The following MACROH2A1 variants were observed in gnomAD, a reference collection of about 807,000 sequenced individuals.
The protein encoded by MACROH2A1 is macroH2A.1 histone, also known as core histone macro-H2A.1.
MACROH2A1 carries 2 observed loss-of-function variants against 31.6 expected under a neutral mutation model. The observed-to-expected ratio is 0.06, with a 90% CI of 0.03 to 0.20. The LOEUF (loss-of-function observed/expected upper bound fraction) is 0.20. Ranked by LOEUF, MACROH2A1 falls within the 10% of genes least tolerant of loss-of-function variation. The pLI is 1.00. For missense variants in MACROH2A1, 230 were observed against 474.0 expected (o/e 0.49, Z 4.78); for synonymous variants, 169 against 189.6 (o/e 0.89, Z 0.89).
chr5:135,347,558 C>T (rs1761008678), intron 6 of MACROH2A1: 1 of 152,282 alleles, frequency 6.6e-6, no homozygotes, highest in Admixed American at 6.5e-5. Flanking sequence ...AATGTCACAC[C>T]TGTTGCTGCT....
At chr5:135,362,921 T>C (rs570017077) in intron 4 of MACROH2A1, 189 of 152,290 alleles carry the variant, frequency 1.2e-3, no homozygotes, top group African/African-American at 3.9e-3. Flanking sequence ...GAGAAAATAA[T>C]GTAAATTTTC....
chr5:135,340,199 C>T (rs1422639218), intron 8 of MACROH2A1, among the ~76,000 whole-genome samples: 2 of 152,134 alleles, frequency 1.3e-5, no homozygotes, highest in African/African-American at 2.4e-5. Flanking sequence ...TCTCACTCTA[C>T]CAAGTACAAG....
chr5:135,352,203 C>T (rs1185903646), intron 6 of MACROH2A1, among the ~76,000 whole-genome samples: 2 of 152,236 alleles, frequency 1.3e-5, no homozygotes, highest in Non-Finnish European at 2.9e-5. Flanking sequence ...CATCGAAGAG[C>T]AGCAGAGCAG....
chr5:135,374,168 C>T (rs1248556053), intron 2 of MACROH2A1, among the ~76,000 whole-genome samples: 2 of 152,158 alleles, frequency 1.3e-5, no homozygotes, highest in African/African-American at 4.8e-5. Context: ...CCCTCTCATC[C>T]TTAGTCCAGG....
In MACROH2A1 at chr5:135,335,632, AAC is replaced by A. The variant is rs199931406; in HGVS notation, c.954-493_954-492del. Among the ~76,000 whole-genome samples the A allele has an allele frequency of 4.1e-3, 618 of 152,226 alleles. 1 individual carries two copies. The highest frequency in any genetic ancestry group is 9.9e-3 in the Admixed American group (152 of 15,292). On this transcript the variant is annotated intron_variant, in intron 8 of 8. Coordinates refer to ENST00000511689, the MANE Select transcript of MACROH2A1 (RefSeq NM_138610.3). ...GCCACCGCCCAGGAATCCACCCTCT[AAC>A]ACACACCAGCGGTACCACCCCAGAG...
At position 135,369,651 on chromosome 5, in the gene MACROH2A1, C is replaced by A; in HGVS notation, c.280-48G>T. 6.7e-7 allele frequency: 1 copy of A among 1,490,042 alleles called. No individual in the cohort carries two copies. The allele number at this position is 1,490,042 out of a possible 1,614,324, so 92.3% of individuals were successfully genotyped here. A position where few individuals can be genotyped will look rare whatever the true frequency, so the allele number is the denominator to read the frequency against. ...AGATAGTGAGCCAGATACCCTGCTT[C>A]TAACCTTCAAGAAGCCAGCCCTGCC... On this transcript the variant is annotated intron_variant, in intron 3 of 8. Transcript: ENST00000511689. The surrounding 1 kb of genome is among the most constrained non-coding windows in gnomAD (Gnocchi z 4.3).
At chr5:135,360,881 G>C (rs1230146772) in intron 4 of MACROH2A1, 2 of 590,182 alleles carry the variant, frequency 3.4e-6, no homozygotes, top group Non-Finnish European at 6.2e-6. Context: ...ATTTAGAATA[G>C]AACCATTTTC....
intron 4 of MACROH2A1, among the ~76,000 whole-genome samples, chr5:135,366,569 T>C (rs1203009116): frequency 6.6e-6 from 1 of 150,616 alleles, no homozygotes; most frequent in East Asian, 1.9e-4. Flanking sequence ...AGGGGGCTCA[T>C]ACGATTTTTA....
At chr5:135,356,528 A>G (rs1376487705) in intron 5 of MACROH2A1, 1 of 152,252 alleles carries the variant, frequency 6.6e-6, no homozygotes, top group Admixed American at 6.5e-5. Flanking sequence ...ATCCTTAGAT[A>G]TAACTCATAA....
intron 8 of MACROH2A1, among the ~76,000 whole-genome samples, chr5:135,339,859 G>A (rs1581122144): frequency 6.6e-6 from 1 of 152,236 alleles, no homozygotes; most frequent in African/African-American, 2.4e-5. Context: ...CAGCTAGAGA[G>A]GGGATGGGGC....
chr5:135,364,527 A>G (rs1581235914), intron 4 of MACROH2A1, among the ~76,000 whole-genome samples: 1 of 152,254 alleles, frequency 6.6e-6, no homozygotes, highest in East Asian at 1.9e-4. Context: ...CAATTCTGTC[A>G]GCTCCAGAAA....
intron 5 of MACROH2A1, chr5:135,358,249 G>A (rs755702885): frequency 4.4e-5 from 43 of 985,168 alleles, no homozygotes; most frequent in South Asian, 2.8e-4. Flanking sequence ...TGCTCACTCC[G>A]TCTCATGCTG....
intron 4 of MACROH2A1, chr5:135,361,672 T>C (rs1762862691): frequency 6.6e-6 from 1 of 152,196 alleles, no homozygotes; most frequent in African/African-American, 2.4e-5. Context: ...GTGAGAAATA[T>C]TACAGATGGC....
chr5:135,380,298 C>G (rs1222565520), intron 2 of MACROH2A1, among the ~76,000 whole-genome samples: 1 of 152,126 alleles, frequency 6.6e-6, no homozygotes, highest in East Asian at 1.9e-4. Context: ...GTCATAGGTA[C>G]CCTACAAATC....
chr5:135,350,892 T>C (rs1184085182), intron 6 of MACROH2A1: 1 of 1,612,046 alleles, frequency 6.2e-7, no homozygotes, highest in Admixed American at 1.7e-5. Flanking sequence ...ATCGAGGCAA[T>C]GTCAGCCTGT....
chr5:135,384,258 C>G (rs1454129107), intron 2 of MACROH2A1, among the ~76,000 whole-genome samples: 1 of 152,122 alleles, frequency 6.6e-6, no homozygotes, highest in Non-Finnish European at 1.5e-5. Flanking sequence ...TGGGTTGTGG[C>G]CCTATGACTA....
intron 2 of MACROH2A1, among the ~76,000 whole-genome samples, chr5:135,388,326 G>A (rs1353931895): frequency 5.3e-5 from 8 of 152,076 alleles, no homozygotes; most frequent in Non-Finnish European, 1.2e-4. Context: ...CTCCAGTGAC[G>A]GGACAAACCA....
intron 4 of MACROH2A1, among the ~76,000 whole-genome samples, chr5:135,365,820 A>G (rs112364459): frequency 0.024 from 3,674 of 152,324 alleles, 173 homozygotes; most frequent in African/African-American, 0.084. Context: ...AGATCCACAA[A>G]CAATGACAGT....
At chr5:135,344,607 T>C (rs1481754548) in intron 7 of MACROH2A1, 1 of 152,136 alleles carries the variant, frequency 6.6e-6, no homozygotes, top group Non-Finnish European at 1.5e-5. Flanking sequence ...TTTGTCCCCA[T>C]GAGAAGTCAT....
Sources: allele counts gnomAD v4.1 joint callset (sites outside exome capture counted in the v4.1 genomes callset), GRCh38; gene constraint gnomAD v4.1.1; non-coding constraint Gnocchi (gnomAD v3.1); transcripts MANE v1.5; gene names NCBI Gene and HGNC (gene_info 2026-07-23, HGNC 2026-07-21).